The following PHF24 variants were observed in gnomAD, a reference collection of about 807,000 sequenced individuals.
The protein encoded by PHF24 is Galpha inhibitory interacting protein.
Under a neutral mutation model 42.6 loss-of-function variants are expected in PHF24, and 25 were observed. The ratio of observed to expected loss-of-function variants is 0.59; its 90% CI spans 0.43 to 0.82. PHF24 has a LOEUF of 0.82. PHF24 is among the 40% of genes least tolerant of loss of function. The pLI is 0.00. For missense variants in PHF24, 470 were observed against 538.1 expected (o/e 0.87, Z 1.25); for synonymous variants, 185 against 204.8 (o/e 0.90, Z 0.83).
At chr9:34,675,235 G>A in the PHF24 span, among the ~76,000 whole-genome samples, 3 of 152,112 alleles carry the variant, frequency 2.0e-5, no homozygotes, top group African/African-American at 7.2e-5. Context: ...GGCGTCCAGT[G>A]CCTAGGGAAA....
the PHF24 span, among the ~76,000 whole-genome samples, chr9:34,703,665 C>T: frequency 1.8e-5 from 2 of 111,540 alleles, no homozygotes; most frequent in Admixed American, 1.8e-4. Flanking sequence ...GGCTACTTTG[C>T]CTATGGAGTA....
the PHF24 span, among the ~76,000 whole-genome samples, chr9:34,859,380 T>G: frequency 2.0e-5 from 3 of 152,164 alleles, no homozygotes; most frequent in South Asian, 6.2e-4. Flanking sequence ...AAAACAGGGC[T>G]GCCACTTCTT....
the PHF24 span, chr9:34,709,167 C>T: frequency 1.7e-6 from 1 of 600,230 alleles, no homozygotes; most frequent in Non-Finnish European, 2.9e-6. Flanking sequence ...GGGAGACTCT[C>T]CCTCCTCGGT....
At chr9:34,893,157 G>T in the PHF24 span, 1 of 578,218 alleles carries the variant, frequency 1.7e-6, no homozygotes, top group Non-Finnish European at 2.8e-6. Flanking sequence ...CCCTGGCTGG[G>T]AAGAGAAACA....
the PHF24 span, among the ~76,000 whole-genome samples, chr9:34,692,732 A>C: frequency 6.6e-6 from 1 of 151,348 alleles, no homozygotes; most frequent in African/African-American, 2.4e-5. Flanking sequence ...TAAAGCCCTT[A>C]GCTTAGAGGC....
chr9:34,978,161 T>G (rs1827272928), exon 8 of PHF24: 4 of 1,412,030 alleles, frequency 2.8e-6, no homozygotes, highest in Non-Finnish European at 4.0e-6. Context: ...TCTCCCTCCT[T>G]TCCTTTCTCC....
chr9:34,841,853 G>A, the PHF24 span, among the ~76,000 whole-genome samples: 147 of 152,226 alleles, frequency 9.7e-4, no homozygotes, highest in African/African-American at 3.3e-3. Flanking sequence ...GTGAGACTCC[G>A]TCTCAAAAAA....
the PHF24 span, among the ~76,000 whole-genome samples, chr9:34,734,609 G>A: frequency 6.6e-6 from 1 of 152,200 alleles, no homozygotes; most frequent in Non-Finnish European, 1.5e-5. Flanking sequence ...AAGACCCATT[G>A]CAGCTGGAAA....
chr9:34,969,673 C>T (rs923475329), intron 1 of PHF24, among the ~76,000 whole-genome samples: 2 of 152,032 alleles, frequency 1.3e-5, no homozygotes, highest in Admixed American at 6.5e-5. Flanking sequence ...AAAAAACTGC[C>T]CTCTTTCCCT....
the PHF24 span, among the ~76,000 whole-genome samples, chr9:34,906,030 C>T: frequency 1.3e-5 from 2 of 151,196 alleles, no homozygotes; most frequent in Non-Finnish European, 2.9e-5. Context: ...TGGGTGTGTG[C>T]ACATGCAGTC....
At chr9:34,972,914 A>AT (rs11437862) in intron 3 of PHF24, among the ~76,000 whole-genome samples, 2 of 56,024 alleles carry the variant, frequency 3.6e-5, no homozygotes, top group Non-Finnish European at 1.4e-4. Context: ...CTCTGTCTCG[A>AT]AAAAAAAAAA....
chr9:34,886,860 A>T, the PHF24 span, among the ~76,000 whole-genome samples: 1 of 151,086 alleles, frequency 6.6e-6, no homozygotes, highest in African/African-American at 2.4e-5. Context: ...CTATCTATCT[A>T]TCTCTGGCTG....
the PHF24 span, among the ~76,000 whole-genome samples, chr9:34,681,886 A>G: frequency 1.3e-5 from 2 of 152,288 alleles, no homozygotes; most frequent in African/African-American, 4.8e-5. Context: ...AAGAAGAGGA[A>G]GGGACCTCTC....
At chr9:34,935,650 T>C in the PHF24 span, among the ~76,000 whole-genome samples, 2 of 144,962 alleles carry the variant, frequency 1.4e-5, no homozygotes, top group Non-Finnish European at 3.0e-5. Flanking sequence ...GACAGCTACA[T>C]AGGAAAGAGT....
chr9:34,775,704 G>A, the PHF24 span, among the ~76,000 whole-genome samples: 1 of 152,034 alleles, frequency 6.6e-6, no homozygotes, highest in South Asian at 2.1e-4. Context: ...GTTTCCCAAA[G>A]GGTTAAACAT....
At chr9:34,679,491 C>T in the PHF24 span, among the ~76,000 whole-genome samples, 5 of 152,130 alleles carry the variant, frequency 3.3e-5, no homozygotes, top group Non-Finnish European at 7.4e-5. Context: ...CAGTGGTGGG[C>T]GGATCACGAG....
chr9:34,810,191 C>G, the PHF24 span, among the ~76,000 whole-genome samples: 8 of 152,086 alleles, frequency 5.3e-5, no homozygotes, highest in East Asian at 1.6e-3. Context: ...GGGACCGGGC[C>G]GTCACCTGAG....
the PHF24 span, chr9:34,837,383 A>C: frequency 2.5e-6 from 1 of 406,950 alleles, no homozygotes; most frequent in Non-Finnish European, 4.6e-6. Context: ...AGACTGAGAG[A>C]TGAAGTGACT....
At chr9:34,832,387 G>A in the PHF24 span, 68 of 1,012,004 alleles carry the variant, frequency 6.7e-5, no homozygotes, top group Non-Finnish European at 9.7e-5. Flanking sequence ...GCAGAGCCAG[G>A]TTGTCTGGAG....
Sources: gnomAD v4.1 joint callset for allele counts (sites outside exome capture counted in the v4.1 genomes callset) on GRCh38, gnomAD v4.1.1 for gene constraint, MANE v1.5 for transcripts, NCBI Gene and HGNC (gene_info 2026-07-23, HGNC 2026-07-21) for gene names.